PRH1: variants seen among roughly 807,000 people sequenced by gnomAD.
The protein encoded by PRH1 is proline rich protein HaeIII subfamily 1, also known as salivary acidic proline-rich phosphoprotein 1/2.
Under a neutral mutation model 7.9 loss-of-function variants are expected in PRH1, and 7 were observed. The observed-to-expected ratio is 0.89, with a 90% CI of 0.50 to 1.67. The LOEUF is 1.67. PRH1 is among the 40% of genes most tolerant of loss of function. The pLI is 0.00. For synonymous variants in PRH1, 45 were observed against 80.8 expected (o/e 0.56, Z 2.38); for missense variants, 109 against 223.6 (o/e 0.49, Z 3.27).
rs376899548 is a variant in PRH1, at chr12:10,883,135, C to A, written c.65-39G>T. The A allele has an allele frequency of 3.7e-5, 59 of 1,599,890 alleles. 1 individual carries two copies. The Middle Eastern group carries it at 5.1e-4, about 14-fold the overall frequency. On this transcript the variant is annotated intron_variant, in intron 1 of 3. Coordinates refer to ENST00000543626, the MANE Select transcript of PRH1 (RefSeq NM_001393989.1). ...ACAGGATGATGGGAAAAGTTACTTC[C>A]TGAATCATTCAAGGCTCATAGTGTT...
intron 1 of PRH1, among the ~76,000 whole-genome samples, chr12:11,166,981 T>C (rs537486030): frequency 2.1e-4 from 32 of 152,330 alleles, no homozygotes; most frequent in African/African-American, 7.7e-4. Flanking sequence ...AGAAATAATC[T>C]GTTTTTAAGG....
At chr12:11,116,995 C>G (rs1428869578), downstream of PRH1, among the ~76,000 whole-genome samples, 1 of 152,048 alleles carries the variant, frequency 6.6e-6, no homozygotes, top group Non-Finnish European at 1.5e-5. Flanking sequence ...AAAGGCTTTC[C>G]TCTAAGATCT....
chr12:11,113,546 C>T (rs1482913147), intron 1 of PRH1, among the ~76,000 whole-genome samples: 6 of 152,174 alleles, frequency 3.9e-5, no homozygotes, highest in African/African-American at 1.4e-4. Context: ...CTTCCTTACA[C>T]ATTATACAAA....
intron 2 of PRH1, among the ~76,000 whole-genome samples, chr12:10,910,540 C>A (rs530859278): frequency 6.6e-6 from 1 of 151,956 alleles, no homozygotes; most frequent in African/African-American, 2.4e-5. Context: ...CTCAAGATAC[C>A]TTACTGTACT....
intron 1 of PRH1, among the ~76,000 whole-genome samples, chr12:11,130,957 T>A (rs1232752083): frequency 6.6e-6 from 1 of 151,252 alleles, no homozygotes; most frequent in African/African-American, 2.4e-5. Flanking sequence ...TTTCTCAGAT[T>A]CCCTTCACTA....
At chr12:10,943,551 C>T (rs976877133) in intron 2 of PRH1, among the ~76,000 whole-genome samples, 1 of 151,946 alleles carries the variant, frequency 6.6e-6, no homozygotes, top group African/African-American at 2.4e-5. Flanking sequence ...ATTTTCTTTT[C>T]TTGTGCAGGG....
At chr12:10,884,901 G>T (rs1949467318), upstream of PRH1, among the ~76,000 whole-genome samples, 1 of 152,070 alleles carries the variant, frequency 6.6e-6, no homozygotes, top group African/African-American at 2.4e-5. Context: ...GGCAAGCCTT[G>T]GTGCTATACA....
At chr12:10,938,198 T>C (rs896133346) in intron 2 of PRH1, 23 of 1,166,374 alleles carry the variant, frequency 2.0e-5, no homozygotes, top group Non-Finnish European at 2.8e-5. Context: ...CTTAAGGAAG[T>C]ATAAATTTAT....
At chr12:11,094,300 A>C (rs1338931886) in intron 1 of PRH1, among the ~76,000 whole-genome samples, 1 of 10,660 alleles carries the variant, frequency 9.4e-5, no homozygotes, top group East Asian at 8.8e-3. Flanking sequence ...AGACTCTGTC[A>C]AAAAAAAAAA....
intron 1 of PRH1, among the ~76,000 whole-genome samples, chr12:10,990,967 G>A (rs1462738405): frequency 6.6e-6 from 1 of 152,238 alleles, no homozygotes; most frequent in Non-Finnish European, 1.5e-5. Flanking sequence ...CTGGAGACTA[G>A]AGGGAAGATC....
chr12:10,965,583 A>C (rs184801393), intron 2 of PRH1, among the ~76,000 whole-genome samples: 111 of 152,354 alleles, frequency 7.3e-4, no homozygotes, highest in African/African-American at 2.3e-3. Flanking sequence ...AGCTCAACTT[A>C]ATTCATTCAT....
chr12:10,968,108 TAATA>T (rs1938595675), intron 2 of PRH1, among the ~76,000 whole-genome samples: 1 of 141,356 alleles, frequency 7.1e-6, no homozygotes, highest in South Asian at 2.2e-4. Context: ...ATAATAAAAA[TAATA>T]AACAAAAATA....
At chr12:11,167,826 T>A (rs995806627) in intron 1 of PRH1, among the ~76,000 whole-genome samples, 5 of 152,246 alleles carry the variant, frequency 3.3e-5, no homozygotes, top group African/African-American at 1.2e-4. Context: ...AGCAACATTC[T>A]CTTTTGGTCT....
chr12:11,096,178 T>G lies in PRH1; in HGVS notation n.124-48990A>C, dbSNP rs111981503. ...CCCCATTTGCTCTCTTCTAATCTTC[T>G]GGAACTGCAGAAGTATGTTAGTTGT... On this transcript the variant is annotated intron_variant and non_coding_transcript_variant, in intron 1 of 4. Transcript: ENST00000541977. 2.8e-4 allele frequency among the ~76,000 whole-genome samples: 32 copies of G among 115,876 alleles called. 8 individuals are homozygous for G. Among genetic ancestry groups the G allele is most frequent in the African/African-American group, 7.2e-4 (25 of 34,770 alleles). The allele number at this position is 115,876 out of a possible 152,430, so 76.0% of individuals were successfully genotyped here.
At chr12:10,938,366 A>T in intron 2 of PRH1, 1 of 1,614,082 alleles carries the variant, frequency 6.2e-7, no homozygotes, top group Non-Finnish European at 8.5e-7. Context: ...GTTTCCAAGA[A>T]TCAGAACACA....
At chr12:11,025,490 T>C (rs1328887332) in intron 1 of PRH1, among the ~76,000 whole-genome samples, 1 of 152,306 alleles carries the variant, frequency 6.6e-6, no homozygotes, top group Non-Finnish European at 1.5e-5. Flanking sequence ...AGATTTTCTA[T>C]TGGTCTTTTG....
At chr12:11,170,892 G>C (rs982873944) in intron 1 of PRH1, among the ~76,000 whole-genome samples, 1 of 152,096 alleles carries the variant, frequency 6.6e-6, no homozygotes, top group African/African-American at 2.4e-5. Context: ...TATTGGCGTA[G>C]GAATCATCTT....
chr12:11,056,736 T>A (rs1014968001), intron 1 of PRH1, among the ~76,000 whole-genome samples: 4 of 152,156 alleles, frequency 2.6e-5, no homozygotes, highest in African/African-American at 9.7e-5. Context: ...AAGAATCATT[T>A]GAACCCAGGA....
At chr12:11,003,762 T>C (rs1278612067) in intron 1 of PRH1, among the ~76,000 whole-genome samples, 1 of 152,002 alleles carries the variant, frequency 6.6e-6, no homozygotes, top group African/African-American at 2.4e-5. Context: ...GTGATTATAT[T>C]GAATGTTTTT....
Sources: gnomAD v4.1 joint callset for allele counts (sites outside exome capture counted in the v4.1 genomes callset) on GRCh38, gnomAD v4.1.1 for gene constraint, MANE v1.5 for transcripts, NCBI Gene and HGNC (gene_info 2026-07-23, HGNC 2026-07-21) for gene names.